Variants in CCDC40 observed in about 807,000 individuals in gnomAD.
CCDC40 encodes the protein coiled-coil domain 40 molecular ruler complex subunit.
A neutral mutation model predicts 124.5 loss-of-function variants in CCDC40; 104 were observed. The observed-to-expected ratio is 0.84, with a 90% CI of 0.71 to 0.98. The LOEUF (loss-of-function observed/expected upper bound fraction) is 0.98, where lower values mean the gene tolerates loss of function less well. Among genes scored for constraint, CCDC40 ranks in the 50% least tolerant of loss-of-function variants. The pLI is 0.00. For missense variants in CCDC40, 1,463 were observed against 1,503.9 expected, an observed-to-expected ratio of 0.97 and a Z score of 0.45; for synonymous variants, 580 against 602.9, an observed-to-expected ratio of 0.96 and a Z score of 0.56.
chr17:80,091,356 G>A (rs1036834176), intron 17 of CCDC40, among the ~76,000 whole-genome samples: 12 of 146,784 alleles, frequency 8.2e-5, no homozygotes, highest in Admixed American at 2.0e-4. Context: ...GAGAGAGAGA[G>A]AGAAAGAAAG....
At chr17:80,090,321 ACGCG>A (rs1567813802) in intron 17 of CCDC40, 41 of 663,140 alleles carry the variant, frequency 6.2e-5, no homozygotes, top group South Asian at 3.9e-4. Context: ...ACAACACGGG[ACGCG>A]CGCAGGCACG....
intron 17 of CCDC40, chr17:80,090,124 G>C (rs997013008): frequency 6.5e-7 from 1 of 1,536,104 alleles, no homozygotes; most frequent in African/African-American, 1.4e-5. Context: ...CCACACGCTT[G>C]CTTTTAATGT....
rs540758258 is a variant in CCDC40 at position 80,075,404 on chromosome 17, A to G, written c.1563-6142A>G. Among the ~76,000 whole-genome samples the G allele has an allele frequency of 1.1e-4, 17 of 151,906 alleles. No individual in the cohort carries two copies. The South Asian group carries it at 3.5e-3, about 32-fold the overall frequency. ...GCAATTCTCCTGCCTTAGTCTCCCAAGTGGCTAAGATTAGAGGCACCTGCC... is the reference window on the plus strand; with the variant it reads ...GCAATTCTCCTGCCTTAGTCTCCCAGGTGGCTAAGATTAGAGGCACCTGCC... On this transcript the variant is annotated intron_variant, in intron 10 of 19. Coordinates refer to ENST00000397545, the MANE Select transcript of CCDC40 (RefSeq NM_017950.4).
chr17:80,090,220 A>C lies in CCDC40; in HGVS notation c.2832+336A>C. ...GCACGCAGGCACGTGCACGAAGAAC[A>C]CGGGACGCGCGCAGGCACGTGCACG... On this transcript the variant is annotated intron_variant, in intron 17 of 19. Transcript: ENST00000397545. 4.2e-5 allele frequency: 37 copies of C among 879,868 alleles called. 4 individuals carry two copies. Among genetic ancestry groups the C allele is most frequent in the East Asian group, 1.9e-4 (6 of 31,064 alleles). 54.5% of individuals were successfully genotyped at this position (879,868 alleles called of 1,614,324 possible).
rs776691453 is a variant in CCDC40 at position 80,047,407 on chromosome 17, C to A, written c.676+5C>A. On this transcript the variant is annotated splice_donor_5th_base_variant and intron_variant, in intron 4 of 19. Coordinates refer to ENST00000397545, the MANE Select transcript of CCDC40 (RefSeq NM_017950.4). ...AGTTCGTCTCGCAGGAGCCAGGTGCCACCCACCTGCTGAGGTCACCCTGCC... is the reference window on the plus strand; with the variant it reads ...AGTTCGTCTCGCAGGAGCCAGGTGCAACCCACCTGCTGAGGTCACCCTGCC... 6.2e-7 allele frequency: 1 copy of A among 1,611,122 alleles called. No individual in the cohort carries two copies. The highest frequency in any genetic ancestry group is 8.5e-7 in the Non-Finnish European group (1 of 1,178,998).
chr17:80,099,793 G>A lies in CCDC40; in HGVS notation c.*18G>A, dbSNP rs746718107. 3.2e-5 allele frequency: 52 copies of A among 1,610,888 alleles called. No individual in the cohort carries two copies. The East Asian group carries it at 8.5e-4, about 26-fold the overall frequency. On this transcript the variant is annotated 3_prime_UTR_variant, in exon 20 of 20. Coordinates refer to ENST00000397545, the MANE Select transcript of CCDC40 (RefSeq NM_017950.4). ...CCTCCTAGGGAGCAGCCTGGACTCC[G>A]CCTTGCAAGGCCTCCAGGAAGAGAT...
intron 10 of CCDC40, chr17:80,065,978 C>T (rs2038036014): frequency 3.1e-6 from 2 of 643,874 alleles, no homozygotes; most frequent in Admixed American, 2.4e-5. Context: ...TGCCTGAGGG[C>T]TGCATTCCAA....
At chr17:80,093,625 C>T (rs769984380) in intron 17 of CCDC40, among the ~76,000 whole-genome samples, 20 of 151,124 alleles carry the variant, frequency 1.3e-4, no homozygotes, top group Admixed American at 1.3e-3. Context: ...GTGATTCTCC[C>T]GCCTCAGCCT....
At chr17:80,094,420 T>A (rs918597034) in intron 17 of CCDC40, among the ~76,000 whole-genome samples, 1 of 150,072 alleles carries the variant, frequency 6.7e-6, no homozygotes, top group Non-Finnish European at 1.5e-5. Context: ...TCAAAAAATT[T>A]TTTTTATAAA....
Position 80,084,845 on chromosome 17 carries a change from C to G in CCDC40, c.2092C>G (p.Leu698Val). 1.9e-6 allele frequency: 3 copies of G among 1,614,180 alleles called. 1 individual carries two copies. The highest frequency in any genetic ancestry group is 2.2e-5 in the South Asian group (2 of 91,080). The change falls in exon 13 of 20, where the codon CTG (leucine) becomes GTG (valine). Residue 698 changes from leucine (L) to valine (V), a missense_variant. Coordinates refer to ENST00000397545, the MANE Select transcript of CCDC40 (RefSeq NM_017950.4). ...CGCACACCAGAAGACCCTGGTGGAG[C>G]TGGACCAGGACGTGAAGAAAGTCAA... ...LDAHQKTLVELDQDVKKVNEL... is the reference protein window; with the variant it reads ...LDAHQKTLVEVDQDVKKVNEL...
chr17:80,087,666 G>A lies in CCDC40; in HGVS notation c.2509G>A (p.Asp837Asn). 1 of 1,614,046 alleles carries A rather than the reference G, an allele frequency of 6.2e-7. No homozygotes were observed. Among genetic ancestry groups the A allele is most frequent in the Non-Finnish European group, 8.5e-7 (1 of 1,179,904 alleles). ...GATCGAGCACCACATGAAGGACCTG[G>A]ACAACGACCTGAAGAAGCTCAACAT... is the stretch of plus-strand genomic sequence containing the variant. ...KEIEHHMKDLDNDLKKLNMLM... is the reference protein window; with the variant it reads ...KEIEHHMKDLNNDLKKLNMLM... Residue 837 changes from aspartate to asparagine, a missense_variant, in exon 15 of 20, where the codon GAC becomes AAC. Transcript: ENST00000397545. This position sits in a 1 kb window ranked among gnomAD's most constrained non-coding sequence, Gnocchi z 4.5.
At position 80,089,753 on chromosome 17, in the gene CCDC40, T is replaced by TA. The variant is rs779370503; in HGVS notation, c.2712-10dup. ...TCCTAATTTCTTACACTGCCTCTCC[T>TA]ACCTCTAAAGACACCAGATTATGCT... is the stretch of plus-strand genomic sequence containing the variant. On this transcript the variant is annotated splice_polypyrimidine_tract_variant and intron_variant, in intron 16 of 19. Transcript: ENST00000397545. 5.0e-6 allele frequency: 8 copies of TA among 1,614,174 alleles called. No homozygotes were observed. In the East Asian group the frequency reaches 1.8e-4, roughly 36 times the overall value.
intron 17 of CCDC40, chr17:80,090,705 TA>T: frequency 7.1e-7 from 1 of 1,418,054 alleles, no homozygotes; most frequent in Non-Finnish European, 9.2e-7. Flanking sequence ...TCATTGCCTT[TA>T]AAAGGCTGGT....
chr17:80,036,984 C>A (rs1404257384), intron 1 of CCDC40, among the ~76,000 whole-genome samples: 1 of 152,206 alleles, frequency 6.6e-6, no homozygotes, highest in Admixed American at 6.5e-5. Flanking sequence ...CGGGACCGCT[C>A]ACTCTGCAGT....
In CCDC40 at chr17:80,095,293, G is replaced by A. The variant is rs1359734341; in HGVS notation, c.2863G>A (p.Glu955Lys). 5 of 1,613,908 alleles carry A rather than the reference G, an allele frequency of 3.1e-6. No homozygotes were observed. In the African/African-American group the frequency reaches 6.7e-5, roughly 22 times the overall value. The change falls in exon 18 of 20, where the codon GAG (glutamate) becomes AAG (lysine). Residue 955 changes from glutamate to lysine, a missense_variant. Coordinates refer to ENST00000397545, the MANE Select transcript of CCDC40 (RefSeq NM_017950.4). ...VRLGQLLKQQEKMIRAMELAV... is the reference protein window; with the variant it reads ...VRLGQLLKQQKKMIRAMELAV... ...GCTCGGGCAGCTGCTGAAGCAGCAGGAGAAGATGATCCGTGCCATGGAGTT... is the reference window on the plus strand; with the variant it reads ...GCTCGGGCAGCTGCTGAAGCAGCAGAAGAAGATGATCCGTGCCATGGAGTT...
Position 80,049,945 on chromosome 17 carries a change from C to T in CCDC40, c.895C>T (p.Leu299=). 6.2e-7 allele frequency: 1 copy of T among 1,614,122 alleles called. No individual in the cohort carries two copies. The highest frequency in any genetic ancestry group is 1.3e-5 in the African/African-American group (1 of 75,024). ...VRFQAALKNY[L]NRQIEKLKLD... ...ATTCCAGGCTGCCCTGAAGAACTAC[C>T]TGAACCGACAGATCGAAAAGTTGAA... The change falls in exon 6 of 20, where the codon CTG becomes TTG. Residue 299 remains leucine, a synonymous_variant. Transcript: ENST00000397545.
chr17:80,097,852 G>A (rs2038837701), intron 19 of CCDC40: 1 of 203,056 alleles, frequency 4.9e-6, no homozygotes, highest in Admixed American at 5.3e-5. Context: ...GTGAGCCAAG[G>A]TTGTACCACT....
chr17:80,099,297 A>C (rs2038869790), intron 19 of CCDC40, among the ~76,000 whole-genome samples: 1 of 152,006 alleles, frequency 6.6e-6, no homozygotes, highest in African/African-American at 2.4e-5. Context: ...TCTCAAAAAA[A>C]AAAAAGAATG....
chr17:80,049,062 G>C (rs1361252234), intron 5 of CCDC40, among the ~76,000 whole-genome samples: 1 of 137,090 alleles, frequency 7.3e-6, no homozygotes, highest in Non-Finnish European at 1.5e-5. Context: ...CCTGCTACAT[G>C]CCAGGAGCAC....
Sources: gnomAD v4.1 joint callset for allele counts (sites outside exome capture counted in the v4.1 genomes callset) on GRCh38, gnomAD v4.1.1 for gene constraint, Gnocchi (gnomAD v3.1) non-coding constraint, MANE v1.5 for transcripts, NCBI Gene and HGNC (gene_info 2026-07-23, HGNC 2026-07-21) for gene names.